TLK1: variants seen among roughly 807,000 people sequenced by gnomAD.
TLK1 encodes the protein tousled like kinase 1, also known as serine/threonine-protein kinase tousled-like 1.
TLK1 carries 24 observed loss-of-function variants against 105.3 expected under a neutral mutation model. That is an observed-to-expected ratio of 0.23 (90% confidence interval 0.17 to 0.32). The LOEUF (loss-of-function observed/expected upper bound fraction) is 0.32, where lower values mean the gene tolerates loss of function less well. TLK1 is among the 10% of genes least tolerant of loss of function. The pLI is 1.00. For missense variants in TLK1, 558 were observed against 910.5 expected, an observed-to-expected ratio of 0.61 and a Z score of 4.98; for synonymous variants, 321 against 310.4, an observed-to-expected ratio of 1.03 and a Z score of -0.36.
At chr2:171,028,561 A>G (rs980980546) in intron 11 of TLK1, among the ~76,000 whole-genome samples, 156 bp from the exon 12 acceptor site, 5 of 152,228 alleles carry the variant, frequency 3.3e-5, no homozygotes, top group African/African-American at 1.2e-4. Context: ...TCTTCAGAAT[A>G]TATTTAATAC....
At chr2:171,096,021 A>G (rs565286646) in intron 2 of TLK1, among the ~76,000 whole-genome samples, 3 of 152,300 alleles carry the variant, frequency 2.0e-5, no homozygotes, top group African/African-American at 7.2e-5. Flanking sequence ...ACCCAGAGCA[A>G]TCAGGCTAAA....
In TLK1 at chr2:171,160,218, G is replaced by GGGGGGGGC. The variant is rs1491367047; in HGVS notation, c.139+71_139+72insGCCCCCCC. On this transcript the variant is annotated intron_variant, in intron 1 of 20. Transcript: ENST00000431350. This position sits in a 1 kb window ranked among gnomAD's most constrained non-coding sequence, Gnocchi z 4.4. ...GGAGAAGCCCCGGGGCGGGGGGGGC[G>GGGGGGGGC]GGGGGGGGGCGCGGGGGTCCGCGGC... 1.9e-4 allele frequency: 163 copies of GGGGGGGGC among 844,088 alleles called. No homozygotes were observed. Among genetic ancestry groups the GGGGGGGGC allele is most frequent in the African/African-American group, 1.1e-3 (36 of 33,688 alleles). The allele number at this position is 844,088 out of a possible 1,614,324, so 52.3% of individuals were successfully genotyped here. A position where few individuals can be genotyped will look rare whatever the true frequency, so the allele number is the denominator to read the frequency against.
chr2:171,095,354 A>C (rs1436887488), intron 2 of TLK1, among the ~76,000 whole-genome samples: 2 of 152,182 alleles, frequency 1.3e-5, no homozygotes, highest in East Asian at 3.8e-4. Flanking sequence ...CTTGAAAACA[A>C]AATTGACAAA....
intron 12 of TLK1, among the ~76,000 whole-genome samples, chr2:171,027,885 G>A (rs769229664): frequency 7.2e-5 from 11 of 152,120 alleles, no homozygotes; most frequent in African/African-American, 1.7e-4. Flanking sequence ...AATTTTGGCC[G>A]GGTGCGACAG....
intron 12 of TLK1, among the ~76,000 whole-genome samples, chr2:171,022,127 TG>T (rs1685555543): frequency 2.6e-5 from 1 of 38,372 alleles, no homozygotes; most frequent in Non-Finnish European, 6.1e-5. Flanking sequence ...ACACACACAC[TG>T]GGGAAGTAAA....
At chr2:171,119,553 T>C (rs775863485) in intron 1 of TLK1, among the ~76,000 whole-genome samples, 1 of 152,240 alleles carries the variant, frequency 6.6e-6, no homozygotes, top group Non-Finnish European at 1.5e-5. Context: ...AATCCTTCCC[T>C]GGCACAGGAC....
intron 1 of TLK1, among the ~76,000 whole-genome samples, chr2:171,223,416 T>A (rs1322288109): frequency 6.6e-6 from 1 of 152,184 alleles, no homozygotes; most frequent in Non-Finnish European, 1.5e-5. Context: ...TGAGCATTTT[T>A]CTTTCACATA....
intron 1 of TLK1, among the ~76,000 whole-genome samples, chr2:171,123,206 T>C (rs1402649882): frequency 6.6e-6 from 1 of 152,098 alleles, no homozygotes; most frequent in Non-Finnish European, 1.5e-5. Context: ...ATCTGTTAAA[T>C]TTTGTTTTGA....
chr2:171,019,536 C>A (rs182953452), intron 12 of TLK1, among the ~76,000 whole-genome samples: 84 of 152,138 alleles, frequency 5.5e-4, no homozygotes, highest in Admixed American at 5.4e-3. Context: ...ATTAAACTTG[C>A]TAGTTTAAAG....
At chr2:171,124,177 T>C (rs1470369232) in intron 1 of TLK1, among the ~76,000 whole-genome samples, 5 of 152,246 alleles carry the variant, frequency 3.3e-5, no homozygotes, top group African/African-American at 1.2e-4. Context: ...CTCATATTTA[T>C]GTGGGAATGA....
intron 12 of TLK1, 77 bp downstream of exon 12, chr2:171,028,262 A>G (rs1470701504): frequency 9.2e-7 from 1 of 1,090,992 alleles, no homozygotes; most frequent in East Asian, 2.4e-5. Context: ...GGCTTTTAAA[A>G]TAAGTGACTT....
intron 1 of TLK1, among the ~76,000 whole-genome samples, chr2:171,156,581 A>C (rs1274046059): frequency 6.6e-6 from 1 of 152,200 alleles, no homozygotes; most frequent in Non-Finnish European, 1.5e-5. Context: ...TCTCTCCTCT[A>C]ATATGTAAAT....
intron 18 of TLK1, among the ~76,000 whole-genome samples, chr2:171,005,809 T>G (rs2105361889): frequency 6.6e-6 from 1 of 152,310 alleles, no homozygotes; most frequent in South Asian, 2.1e-4. Context: ...AATATTATAT[T>G]AACATAAGTA....
intron 3 of TLK1, among the ~76,000 whole-genome samples, chr2:171,072,651 C>G (rs1688315765): frequency 6.6e-6 from 1 of 152,060 alleles, no homozygotes; most frequent in South Asian, 2.1e-4. Context: ...GCCTGTAATC[C>G]CAGCTACTGG....
chr2:171,187,302 A>G (rs1204719852), intron 1 of TLK1, among the ~76,000 whole-genome samples: 1 of 152,108 alleles, frequency 6.6e-6, no homozygotes, highest in Non-Finnish European at 1.5e-5. Flanking sequence ...GAAAATAGAC[A>G]TCCTCGCTGG....
chr2:171,119,870 A>C (rs531902174), intron 1 of TLK1, among the ~76,000 whole-genome samples: 2 of 152,334 alleles, frequency 1.3e-5, no homozygotes, highest in South Asian at 4.1e-4. Context: ...TCTAACTCTT[A>C]GAAGAAAACA....
At chr2:171,072,172 T>C (rs138483401) in intron 3 of TLK1, among the ~76,000 whole-genome samples, 2 of 152,250 alleles carry the variant, frequency 1.3e-5, no homozygotes, top group Non-Finnish European at 2.9e-5. Context: ...ATTAAACCTA[T>C]AGATTGCTCT....
intron 1 of TLK1, among the ~76,000 whole-genome samples, chr2:171,184,510 C>T (rs947991284): frequency 2.0e-5 from 3 of 151,846 alleles, no homozygotes; most frequent in Admixed American, 6.6e-5. Flanking sequence ...GGTGTGGTGG[C>T]TCATGCCTGT....
intron 1 of TLK1, among the ~76,000 whole-genome samples, chr2:171,141,279 G>A: frequency 6.6e-6 from 1 of 152,166 alleles, no homozygotes; most frequent in East Asian, 1.9e-4. Flanking sequence ...TTGATAGAAT[G>A]ATGGAAATGT....
Sources: allele counts gnomAD v4.1 joint callset (sites outside exome capture counted in the v4.1 genomes callset), GRCh38; gene constraint gnomAD v4.1.1; non-coding constraint Gnocchi (gnomAD v3.1); transcripts MANE v1.5; gene names NCBI Gene and HGNC (gene_info 2026-07-23, HGNC 2026-07-21).